The following BACC1 variants were observed in gnomAD, a reference collection of about 807,000 sequenced individuals.
BACC1 encodes BPTF-associated chromatin complex component 1.
the BACC1 span, chr17:7,014,814 T>C: frequency 6.6e-7 from 1 of 1,526,014 alleles, no homozygotes; most frequent in Non-Finnish European, 8.8e-7. This position sits in a 1 kb window ranked among gnomAD's most constrained non-coding sequence, Gnocchi z 4.5. Context: ...CCGGCTCGCG[T>C]GTAGCGGCGG....
chr17:7,015,637 G>A, the BACC1 span: 1 of 1,319,166 alleles, frequency 7.6e-7, no homozygotes, highest in South Asian at 1.5e-5. Flanking sequence ...CCCTTACGGA[G>A]GACCTCTTTA....
At chr17:7,017,155 C>CA in the BACC1 span, 22 of 1,563,438 alleles carry the variant, frequency 1.4e-5, no homozygotes, top group East Asian at 1.1e-4. Flanking sequence ...CAGCGCAGGG[C>CA]ATTGGATCAG....
At chr17:7,017,476 C>A in the BACC1 span, 1 of 737,426 alleles carries the variant, frequency 1.4e-6, no homozygotes, top group Non-Finnish European at 2.5e-6. Context: ...TGACCTTCAT[C>A]TGATGGACAT....
At chr17:7,014,791 G>T in the BACC1 span, 3 of 1,518,994 alleles carry the variant, frequency 2.0e-6, no homozygotes, top group Admixed American at 2.0e-5. This position sits in a 1 kb window ranked among gnomAD's most constrained non-coding sequence, Gnocchi z 4.5. Context: ...CAGTCTCCCT[G>T]CTCTCCGTGG....
At chr17:7,016,858 G>A in the BACC1 span, 1,232 of 1,563,180 alleles carry the variant, frequency 7.9e-4, 12 homozygotes, top group African/African-American at 0.015. Context: ...GCTTGGGGCT[G>A]GGGGAGAGGC....
the BACC1 span, chr17:7,015,685 C>A: frequency 7.2e-7 from 1 of 1,395,706 alleles, no homozygotes; most frequent in Non-Finnish European, 1.0e-6. Flanking sequence ...CGGAAGGAGG[C>A]GGCTGGTTGG....
the BACC1 span, chr17:7,014,965 G>C: frequency 1.5e-4 from 212 of 1,445,468 alleles, no homozygotes; most frequent in African/African-American, 2.7e-3. The surrounding 1 kb of genome is among the most constrained non-coding windows in gnomAD (Gnocchi z 4.5). Context: ...GCCCCGGGCG[G>C]GGGGCGGGCG....
the BACC1 span, chr17:7,016,034 A>G: frequency 2.5e-3 from 1,584 of 625,424 alleles, 22 homozygotes; most frequent in East Asian, 0.022. Context: ...TAGAATTGTC[A>G]CAGTTGGTCA....
At chr17:7,015,213 C>G in the BACC1 span, 1 of 1,505,940 alleles carries the variant, frequency 6.6e-7, no homozygotes, top group East Asian at 2.7e-5. Context: ...GACTCGGTCA[C>G]AGACACGGAC....
chr17:7,016,756 G>A, the BACC1 span: 2 of 1,547,468 alleles, frequency 1.3e-6, no homozygotes, highest in Non-Finnish European at 1.8e-6. Flanking sequence ...ATTGGGCCTG[G>A]GTCAAAGAAG....
chr17:7,016,402 TGAAG>T, the BACC1 span: 1 of 1,413,690 alleles, frequency 7.1e-7, no homozygotes, highest in Non-Finnish European at 9.7e-7. Context: ...TGGATTCTTA[TGAAG>T]GGACTCCCAG....
chr17:7,014,910 G>A, the BACC1 span: 2 of 1,508,976 alleles, frequency 1.3e-6, no homozygotes, highest in Non-Finnish European at 1.8e-6. The surrounding 1 kb of genome is among the most constrained non-coding windows in gnomAD (Gnocchi z 4.5). Flanking sequence ...GCGCTCCCTG[G>A]CGGCCACGGG....
At chr17:7,017,045 C>T in the BACC1 span, 11 of 1,589,970 alleles carry the variant, frequency 6.9e-6, 1 homozygote, top group African/African-American at 4.0e-5. Context: ...ACACAGCTGA[C>T]GGGGTTGGGG....
chr17:7,015,049 G>T, the BACC1 span: 1 of 1,513,702 alleles, frequency 6.6e-7, no homozygotes, highest in Non-Finnish European at 8.8e-7. Flanking sequence ...CCGTGACGCT[G>T]CCCCGCCCCC....
the BACC1 span, chr17:7,015,909 G>A: frequency 1.9e-6 from 3 of 1,575,092 alleles, no homozygotes; most frequent in Non-Finnish European, 2.6e-6. Context: ...AAGGGCGGGT[G>A]GGCAGCCTTC....
chr17:7,017,154 G>T, the BACC1 span: 9 of 1,564,198 alleles, frequency 5.8e-6, no homozygotes, highest in Non-Finnish European at 7.9e-6. Flanking sequence ...ACAGCGCAGG[G>T]CATTGGATCA....
the BACC1 span, chr17:7,015,145 T>C: frequency 6.3e-7 from 1 of 1,577,748 alleles, no homozygotes; most frequent in South Asian, 1.1e-5. Context: ...TGGCCGACTC[T>C]TCTCCTGCGG....
chr17:7,014,855 G>A, the BACC1 span: 19 of 1,537,810 alleles, frequency 1.2e-5, no homozygotes, highest in Non-Finnish European at 1.7e-5. This position sits in a 1 kb window ranked among gnomAD's most constrained non-coding sequence, Gnocchi z 4.5. Context: ...GGCGCGCGGG[G>A]CCATGACGTC....
chr17:7,015,147 C>T, the BACC1 span: 1 of 1,576,764 alleles, frequency 6.3e-7, no homozygotes, highest in Non-Finnish European at 8.6e-7. Flanking sequence ...GCCGACTCTT[C>T]TCCTGCGGGG....
Sources: allele counts gnomAD v4.1 joint callset, GRCh38; gene constraint gnomAD v4.1.1; non-coding constraint Gnocchi (gnomAD v3.1); transcripts MANE v1.5; gene names NCBI Gene and HGNC (gene_info 2026-07-23, HGNC 2026-07-21).